Variants in FBXL4 observed in about 807,000 individuals in gnomAD.
FBXL4 encodes the protein F-box/LRR-repeat protein 4.
A neutral mutation model predicts 58.9 loss-of-function variants in FBXL4; 40 were observed. That is an observed-to-expected ratio of 0.68 (90% CI 0.53 to 0.88). The LOEUF is 0.88. FBXL4 is among the 40% of genes least tolerant of loss of function. The probability of loss-of-function intolerance (pLI) is 0.00; values close to 1 mark genes in which losing one functional copy is unlikely to be tolerated. For synonymous variants in FBXL4, 263 were observed against 265.5 expected (o/e 0.99, Z 0.09); for missense variants, 676 against 734.4 (o/e 0.92, Z 0.92).
rs969525257 is a variant in FBXL4, at chr6:98,940,032, C to T, written c.-308-5153G>A. On this transcript the variant is annotated intron_variant, in intron 1 of 9. Coordinates refer to ENST00000369244, the MANE Select transcript of FBXL4 (RefSeq NM_001278716.2). ...TTAATACTGAATTTACATTTGTTTA[C>T]ATTTCTCTGAACTGCAAATGGAAGC... 5.3e-5 allele frequency among the ~76,000 whole-genome samples: 8 copies of T among 152,322 alleles called. No individual in the cohort carries two copies. The South Asian group carries it at 8.3e-4, about 16-fold the overall frequency.
chr6:98,914,867 G>A (rs1275379770), intron 5 of FBXL4, among the ~76,000 whole-genome samples: 1 of 152,178 alleles, frequency 6.6e-6, no homozygotes, highest in African/African-American at 2.4e-5. Flanking sequence ...TAGGAAAAGA[G>A]GAAGTCAAAT....
chr6:98,935,712 C>G (rs1463551749), intron 1 of FBXL4, among the ~76,000 whole-genome samples: 1 of 149,272 alleles, frequency 6.7e-6, no homozygotes, highest in African/African-American at 2.5e-5. Context: ...TGGCGTGAAC[C>G]CGGGAAGCGG....
At chr6:98,916,180 A>C (rs1444484402) in intron 5 of FBXL4, among the ~76,000 whole-genome samples, 1 of 150,848 alleles carries the variant, frequency 6.6e-6, no homozygotes, top group Non-Finnish European at 1.5e-5. Flanking sequence ...GGTGCTGGAG[A>C]GGATGTGGAG....
chr6:98,944,835 T>C (rs1357527524), intron 1 of FBXL4, among the ~76,000 whole-genome samples: 1 of 152,228 alleles, frequency 6.6e-6, no homozygotes, highest in Non-Finnish European at 1.5e-5. Context: ...CATCTGCTAG[T>C]GTCACTGGGC....
intron 3 of FBXL4, 23 bp from the exon 4 acceptor site, chr6:98,927,083 G>A: frequency 2.4e-6 from 3 of 1,235,368 alleles, no homozygotes; most frequent in Non-Finnish European, 3.4e-6. Context: ...ATGGCTTGGT[G>A]AAGTAAAATA....
At chr6:98,947,525 A>T (rs1235224005) in intron 1 of FBXL4, among the ~76,000 whole-genome samples, 1 of 152,246 alleles carries the variant, frequency 6.6e-6, no homozygotes, top group Non-Finnish European at 1.5e-5. Context: ...AGCCGCGCAC[A>T]CGTCCGAACG....
intron 1 of FBXL4, among the ~76,000 whole-genome samples, chr6:98,947,602 G>T (rs1375573865): frequency 1.3e-5 from 2 of 152,186 alleles, no homozygotes; most frequent in Non-Finnish European, 2.9e-5. Context: ...AGTTCTCAAG[G>T]GCCCCAGCAA....
rs149641000 is a variant in FBXL4, at chr6:98,898,315, T to C, written c.1317+953A>G. ...GGGAAAAAGTATATGACAAACAGTA[T>C]GTACTACAGGGGCCCAGGTACATAC... On this transcript the variant is annotated intron_variant, in intron 7 of 9. Transcript: ENST00000369244. 275 of 985,390 alleles carry C rather than the reference T, an allele frequency of 2.8e-4. No individual in the cohort carries two copies. In the African/African-American group the frequency reaches 4.6e-3, roughly 16 times the overall value. 61.0% of individuals were successfully genotyped at this position (985,390 alleles called of 1,614,324 possible).
chr6:98,912,708 G>C (rs934746814), intron 5 of FBXL4, among the ~76,000 whole-genome samples: 2 of 152,056 alleles, frequency 1.3e-5, no homozygotes, highest in African/African-American at 4.8e-5. Flanking sequence ...ACCGGTACCA[G>C]CTGCTGCAAA....
At chr6:98,940,040 TG>T (rs1317336160) in intron 1 of FBXL4, among the ~76,000 whole-genome samples, 5 of 152,254 alleles carry the variant, frequency 3.3e-5, no homozygotes, top group Non-Finnish European at 7.3e-5. Flanking sequence ...TACATTTCTC[TG>T]AACTGCAAAT....
At chr6:98,908,523 T>A (rs554406626) in intron 5 of FBXL4, among the ~76,000 whole-genome samples, 6 of 152,278 alleles carry the variant, frequency 3.9e-5, no homozygotes, top group African/African-American at 1.4e-4. Context: ...TGAAAATATA[T>A]CCTTATAGTA....
At chr6:98,946,318 CCTT>C (rs1194596591) in intron 1 of FBXL4, among the ~76,000 whole-genome samples, 2 of 152,102 alleles carry the variant, frequency 1.3e-5, no homozygotes, top group African/African-American at 4.8e-5. Flanking sequence ...AAAGTTAGAG[CCTT>C]CTTATCTCAC....
At chr6:98,915,274 C>A (rs906739938) in intron 5 of FBXL4, among the ~76,000 whole-genome samples, 1 of 152,008 alleles carries the variant, frequency 6.6e-6, no homozygotes, top group Non-Finnish European at 1.5e-5. Flanking sequence ...AATGCCATCC[C>A]CATCAAGCTA....
At chr6:98,942,962 G>A (rs576139340) in intron 1 of FBXL4, among the ~76,000 whole-genome samples, 2 of 152,158 alleles carry the variant, frequency 1.3e-5, no homozygotes, top group South Asian at 2.1e-4. Flanking sequence ...TTTTGTACAA[G>A]GTAACCTTGT....
chr6:98,943,365 G>A (rs996806881), intron 1 of FBXL4, among the ~76,000 whole-genome samples: 1 of 151,806 alleles, frequency 6.6e-6, no homozygotes, highest in Non-Finnish European at 1.5e-5. Flanking sequence ...TTGAGCCCAG[G>A]AGTTTGAGAC....
In FBXL4 at chr6:98,871,716, G is replaced by A. The variant is rs535674286; in HGVS notation, c.*2562C>T. 3.3e-5 allele frequency: 5 copies of A among 152,294 alleles called. No individual in the cohort carries two copies. Among genetic ancestry groups the A allele is most frequent in the Middle Eastern group, 3.4e-3 (1 of 294 alleles). 9.4% of individuals were successfully genotyped at this position (152,294 alleles called of 1,614,324 possible). ...TTACTGAACTACTGGTAGCAATGGTGAACTTCATTTGCTCTCATAGTTTCT... is the reference window on the plus strand; with the variant it reads ...TTACTGAACTACTGGTAGCAATGGTAAACTTCATTTGCTCTCATAGTTTCT... On this transcript the variant is annotated 3_prime_UTR_variant, in exon 10 of 10. Coordinates refer to ENST00000369244, the MANE Select transcript of FBXL4 (RefSeq NM_001278716.2).
At chr6:98,916,277 C>G (rs946883463) in intron 5 of FBXL4, among the ~76,000 whole-genome samples, 72 of 149,312 alleles carry the variant, frequency 4.8e-4, no homozygotes, top group African/African-American at 1.5e-3. Flanking sequence ...CAGGGATCTA[C>G]AAGTAGAAAT....
intron 6 of FBXL4, among the ~76,000 whole-genome samples, chr6:98,901,859 T>C (rs1562228509): frequency 6.6e-6 from 1 of 152,166 alleles, no homozygotes; most frequent in East Asian, 1.9e-4. Context: ...CTTGTTTACT[T>C]CCTGCAGTCA....
Position 98,926,956 on chromosome 6 carries a change from C to T in FBXL4, c.33G>A (p.Leu11=), listed in dbSNP as rs774699896. 1 of 1,613,996 alleles carries T rather than the reference C, an allele frequency of 6.2e-7. No homozygotes were observed. The highest frequency in any genetic ancestry group is 1.7e-5 in the Admixed American group (1 of 60,000). The part of the protein sequence containing the change: MSPVFPMLTV[L]TMFYYICLRR... ...GAAGGCATATATAATAAAACATGGTCAGAACTGTTAACATGGGAAAGACCG... is the reference window on the plus strand; with the variant it reads ...GAAGGCATATATAATAAAACATGGTTAGAACTGTTAACATGGGAAAGACCG... Residue 11 remains leucine, a synonymous_variant, in exon 4 of 10, where the codon CTG becomes CTA. Transcript: ENST00000369244.
Sources: gnomAD v4.1 joint callset for allele counts (sites outside exome capture counted in the v4.1 genomes callset) on GRCh38, gnomAD v4.1.1 for gene constraint, MANE v1.5 for transcripts, NCBI Gene and HGNC (gene_info 2026-07-23, HGNC 2026-07-21) for gene names.